ACMSD: variants seen among roughly 807,000 people sequenced by gnomAD.
The protein encoded by ACMSD is aminocarboxymuconate semialdehyde decarboxylase, also known as 2-amino-3-carboxymuconate-6-semialdehyde decarboxylase.
In ACMSD, 37 loss-of-function variants were observed where a neutral mutation model predicts 45.9. The observed-to-expected ratio is 0.81, with a 90% CI of 0.62 to 1.06. The LOEUF (loss-of-function observed/expected upper bound fraction) is 1.06. Among genes scored for constraint, ACMSD ranks in the 50% least tolerant of loss-of-function variants. The probability of loss-of-function intolerance (pLI) is 0.00; values close to 1 mark genes in which losing one functional copy is unlikely to be tolerated. For synonymous variants in ACMSD, 138 were observed against 148.8 expected (o/e 0.93, Z 0.53); for missense variants, 434 against 420.9 (o/e 1.03, Z -0.27).
intron 1 of ACMSD, among the ~76,000 whole-genome samples, chr2:134,842,122 G>A (rs1686832225): frequency 6.6e-6 from 1 of 152,148 alleles, no homozygotes; most frequent in South Asian, 2.1e-4. Flanking sequence ...AATGCTGTGA[G>A]ACACTGGTTA....
intron 2 of ACMSD, among the ~76,000 whole-genome samples, chr2:134,848,293 C>T (rs563122972): frequency 1.0e-3 from 155 of 152,202 alleles, no homozygotes; most frequent in African/African-American, 3.7e-3. Context: ...GGGTATATAC[C>T]CAGTGATGAG....
Position 134,901,943 on chromosome 2 carries a change from C to T in ACMSD, c.*83C>T, listed in dbSNP as rs1034709259. On this transcript the variant is annotated 3_prime_UTR_variant, in exon 10 of 10. Transcript: ENST00000356140. ...TGTATCAACAGGTATCAACAAAATC[C>T]TATTTTGAACTATTTTACTCAGAAA... 1.1e-6 allele frequency: 1 copy of T among 871,108 alleles called. No homozygotes were observed. The highest frequency in any genetic ancestry group is 1.8e-6 in the Non-Finnish European group (1 of 570,582). 54.0% of individuals were successfully genotyped at this position (871,108 alleles called of 1,614,324 possible).
At chr2:134,862,189 G>A (rs1037512237) in intron 4 of ACMSD, among the ~76,000 whole-genome samples, 171 bp downstream of exon 4, 1 of 152,146 alleles carries the variant, frequency 6.6e-6, no homozygotes. Context: ...TCTTAGCCAT[G>A]TCTTTGCTCC....
chr2:134,855,663 G>A lies in ACMSD; in HGVS notation c.103-3598G>A, dbSNP rs529648273. ...CAGAGACCCAGCTCTGCTAGTGTGT[G>A]GACACCTGTCACAATTACACAAGTC... On this transcript the variant is annotated intron_variant, in intron 2 of 9. Transcript: ENST00000356140. Among the ~76,000 whole-genome samples the A allele has an allele frequency of 3.3e-5, 5 of 152,306 alleles. No individual in the cohort carries two copies. In the South Asian group the frequency reaches 1.0e-3, roughly 32 times the overall value.
chr2:134,851,649 G>T (rs1261983622), intron 2 of ACMSD, among the ~76,000 whole-genome samples: 1 of 152,148 alleles, frequency 6.6e-6, no homozygotes, highest in South Asian at 2.1e-4. Context: ...CACCATGTTG[G>T]CCAGAATTGT....
intron 8 of ACMSD, among the ~76,000 whole-genome samples, chr2:134,877,360 C>A (rs190265692): frequency 8.0e-4 from 122 of 152,200 alleles, no homozygotes; most frequent in African/African-American, 2.9e-3. Context: ...CAATAATAAA[C>A]ATTTATTATC....
intron 7 of ACMSD, among the ~76,000 whole-genome samples, chr2:134,871,359 C>G (rs1559054877): frequency 1.3e-5 from 2 of 152,066 alleles, no homozygotes; most frequent in Non-Finnish European, 2.9e-5. Context: ...CTTAAAGGTC[C>G]TTTCTCCAAG....
intron 5 of ACMSD, among the ~76,000 whole-genome samples, chr2:134,866,011 A>G (rs964817340): frequency 2.0e-5 from 3 of 152,146 alleles, no homozygotes; most frequent in East Asian, 3.8e-4. Flanking sequence ...TGGGCACATA[A>G]TAAGTTCTCA....
At chr2:134,863,673 C>A (rs752283146) in intron 5 of ACMSD, 42 bp downstream of exon 5, 1 of 1,596,016 alleles carries the variant, frequency 6.3e-7, no homozygotes, top group Non-Finnish European at 8.6e-7. Flanking sequence ...CCGCCCAGTG[C>A]CTGGGCCGGG....
At chr2:134,859,479 G>GC in intron 3 of ACMSD, 122 bp downstream of exon 3, 1 of 874,102 alleles carries the variant, frequency 1.1e-6, no homozygotes, top group African/African-American at 1.7e-5. Flanking sequence ...AGGACAGGCT[G>GC]TTCCAGCTTC....
intron 1 of ACMSD, among the ~76,000 whole-genome samples, chr2:134,841,434 T>A (rs1188256690): frequency 6.6e-6 from 1 of 152,106 alleles, no homozygotes; most frequent in Admixed American, 6.6e-5. Flanking sequence ...ATGATGATAA[T>A]GGACGGGGAT....
In ACMSD at chr2:134,856,135, T is replaced by C. The variant is rs1474406332; in HGVS notation, c.103-3126T>C. ...ACTAAGCGCTTTATATGGATTATCT[T>C]ATTTCATGCTGACATGATCCCTTTA... On this transcript the variant is annotated intron_variant, in intron 2 of 9. Transcript: ENST00000356140. Among the ~76,000 whole-genome samples the C allele has an allele frequency of 9.8e-5, 15 of 152,352 alleles. No individual in the cohort carries two copies. The East Asian group carries it at 1.7e-3, about 18-fold the overall frequency.
chr2:134,866,047 G>A (rs1688081201), intron 5 of ACMSD, among the ~76,000 whole-genome samples: 1 of 152,170 alleles, frequency 6.6e-6, no homozygotes, highest in African/African-American at 2.4e-5. Flanking sequence ...AATTGTGAGA[G>A]TATAACTTCT....
chr2:134,874,094 G>A (rs1244048522), intron 8 of ACMSD, among the ~76,000 whole-genome samples: 1 of 152,198 alleles, frequency 6.6e-6, no homozygotes, highest in Non-Finnish European at 1.5e-5. Flanking sequence ...AATACACATT[G>A]GCCAGGGGAC....
chr2:134,885,376 TAA>T (rs1347865193), intron 8 of ACMSD, among the ~76,000 whole-genome samples: 13 of 106,038 alleles, frequency 1.2e-4, no homozygotes, highest in African/African-American at 4.6e-4. Context: ...ATATTATATA[TAA>T]TATATATGTA....
chr2:134,892,246 G>A (rs1321661234), intron 8 of ACMSD, among the ~76,000 whole-genome samples: 1 of 151,722 alleles, frequency 6.6e-6, no homozygotes, highest in African/African-American at 2.4e-5. Context: ...AAAAAATCGG[G>A]TATAACTGGA....
At chr2:134,872,786 G>C (rs1688524423) in intron 8 of ACMSD, 145 bp downstream of exon 8, 1 of 955,620 alleles carries the variant, frequency 1.0e-6, no homozygotes, top group East Asian at 2.6e-5. Context: ...TTTGGGATTA[G>C]GTTTGCTCAC....
chr2:134,863,300 C>A, intron 4 of ACMSD, 95 bp from the exon 5 acceptor site: 1 of 1,244,036 alleles, frequency 8.0e-7, no homozygotes, highest in South Asian at 1.3e-5. Context: ...CTGAAAATGA[C>A]AAATATTATA....
At chr2:134,866,467 T>A (rs998075479) in intron 5 of ACMSD, among the ~76,000 whole-genome samples, 24 of 152,202 alleles carry the variant, frequency 1.6e-4, no homozygotes, top group African/African-American at 5.8e-4. Context: ...CCAATTAGCT[T>A]CTCTCTCTTT....
Sources: gnomAD v4.1 joint callset for allele counts (sites outside exome capture counted in the v4.1 genomes callset) on GRCh38, gnomAD v4.1.1 for gene constraint, MANE v1.5 for transcripts, NCBI Gene and HGNC (gene_info 2026-07-23, HGNC 2026-07-21) for gene names.